The following ANKRD11 variants were observed in gnomAD, a reference collection of about 807,000 sequenced individuals.
ANKRD11 encodes ankyrin repeat domain-containing protein 11.
In ANKRD11, 17 loss-of-function variants were observed where a neutral mutation model predicts 195.7. The observed-to-expected ratio is 0.09, with a 90% CI of 0.06 to 0.13. The LOEUF is 0.13. Among genes scored for constraint, ANKRD11 ranks in the 10% least tolerant of loss-of-function variants. The pLI is 1.00. For synonymous variants in ANKRD11, 1,953 were observed against 1,528.1 expected, an observed-to-expected ratio of 1.28 and a Z score of -6.49; for missense variants, 3,735 against 3,566.1, an observed-to-expected ratio of 1.05 and a Z score of -1.21.
intron 2 of ANKRD11, among the ~76,000 whole-genome samples, chr16:89,364,389 CAATAGGT>C (rs1321253026): frequency 1.3e-5 from 2 of 152,202 alleles, no homozygotes; most frequent in Non-Finnish European, 2.9e-5. Context: ...TCTTACACCG[CAATAGGT>C]AACTGAAACA....
chr16:89,454,317 C>T (rs1414399578), intron 1 of ANKRD11, among the ~76,000 whole-genome samples: 2 of 152,122 alleles, frequency 1.3e-5, no homozygotes, highest in Admixed American at 6.6e-5. Context: ...CTGAGGCCTA[C>T]GCTGAGTCCC....
At chr16:89,438,863 G>A (rs2043327217) in intron 1 of ANKRD11, among the ~76,000 whole-genome samples, 1 of 152,002 alleles carries the variant, frequency 6.6e-6, no homozygotes, top group African/African-American at 2.4e-5. Flanking sequence ...AAATAAACTA[G>A]CCAGGTGTGG....
chr16:89,443,314 T>C (rs1030098277), intron 1 of ANKRD11: 2 of 151,740 alleles, frequency 1.3e-5, no homozygotes, highest in Non-Finnish European at 2.9e-5. Flanking sequence ...AAGGCAAGCA[T>C]GGCATGCTTG....
At chr16:89,288,715 T>A in intron 6 of ANKRD11, 45 bp from the exon 7 acceptor site, 1 of 1,612,986 alleles carries the variant, frequency 6.2e-7, no homozygotes, top group Non-Finnish European at 8.5e-7. Flanking sequence ...TCCTCAGAAC[T>A]TCCCTCCTGT....
At chr16:89,393,308 A>ATTTTTT (rs150301440) in intron 2 of ANKRD11, among the ~76,000 whole-genome samples, 1 of 145,144 alleles carries the variant, frequency 6.9e-6, no homozygotes, top group African/African-American at 2.6e-5. Context: ...TACTTTTTTT[A>ATTTTTT]TTTTTATTTT....
At chr16:89,324,830 G>A in intron 2 of ANKRD11, 1 of 285,516 alleles carries the variant, frequency 3.5e-6, no homozygotes. Flanking sequence ...CTGGCTTCCT[G>A]GCTCCTCAGC....
intron 2 of ANKRD11, among the ~76,000 whole-genome samples, chr16:89,414,158 G>T (rs1049887469): frequency 6.6e-6 from 1 of 152,194 alleles, no homozygotes; most frequent in African/African-American, 2.4e-5. Flanking sequence ...CAGCAAGACA[G>T]AACCTGATTA....
At chr16:89,391,227 C>CAAAA (rs35753411) in intron 2 of ANKRD11, among the ~76,000 whole-genome samples, 1 of 95,336 alleles carries the variant, frequency 1.0e-5, no homozygotes. Context: ...GACTCTGTCT[C>CAAAA]AAAAAAAAAA....
chr16:89,270,220 G>A (rs543509934), intron 12 of ANKRD11: 13 of 181,112 alleles, frequency 7.2e-5, no homozygotes, highest in South Asian at 2.3e-4. Context: ...TATGACACAC[G>A]GGTGCTTGGT....
chr16:89,288,762 G>A (rs911540019), intron 6 of ANKRD11, 92 bp from the exon 7 acceptor site: 56 of 1,589,276 alleles, frequency 3.5e-5, no homozygotes, highest in Non-Finnish European at 4.4e-5. Flanking sequence ...GCTACAGTGC[G>A]GGGACAAGCC....
chr16:89,384,665 C>T lies in ANKRD11; in HGVS notation c.-60+33619G>A, dbSNP rs376338480. On this transcript the variant is annotated intron_variant, in intron 2 of 12. Transcript: ENST00000301030. Reference sequence around the variant, plus strand: ...GGCACTGACGGCTTCAAAGGAGCTGCGAAGACACAAACTACAGAAAGAATA... The same window carrying T: ...GGCACTGACGGCTTCAAAGGAGCTGTGAAGACACAAACTACAGAAAGAATA... Among the ~76,000 whole-genome samples the T allele has an allele frequency of 7.9e-5, 12 of 152,128 alleles. No homozygotes were observed. In the South Asian group the frequency reaches 1.0e-3, roughly 13 times the overall value.
intron 1 of ANKRD11, among the ~76,000 whole-genome samples, chr16:89,428,692 G>C (rs536516401): frequency 6.6e-6 from 1 of 151,668 alleles, no homozygotes; most frequent in Non-Finnish European, 1.5e-5. Context: ...TCAGGAGTTC[G>C]AGACCAGCCT....
chr16:89,323,585 AGGGCAGGGGGGCTGAGCCCG>A (rs1046307852), intron 2 of ANKRD11, among the ~76,000 whole-genome samples: 2 of 56,850 alleles, frequency 3.5e-5, no homozygotes, highest in African/African-American at 1.2e-4. Flanking sequence ...GGCTAAGCCC[AGGGCAGGGGGGCTGAGCCCG>A]GGGCAGGGGA....
At chr16:89,330,783 C>A (rs1201260411) in intron 2 of ANKRD11, among the ~76,000 whole-genome samples, 4 of 151,274 alleles carry the variant, frequency 2.6e-5, no homozygotes, top group Non-Finnish European at 2.9e-5. Context: ...CCACACTCTG[C>A]AGAGAACGGT....
At chr16:89,305,680 AGACACGCGCCACCTCCCACTCC>A (rs2036157731) in intron 3 of ANKRD11, among the ~76,000 whole-genome samples, 1 of 39,338 alleles carries the variant, frequency 2.5e-5, no homozygotes, top group Non-Finnish European at 5.9e-5. Context: ...CCCACTCCGC[AGACACGCGCCACCTCCCACTCC>A]GCAGACACGC....
Position 89,281,697 on chromosome 16 carries a change from G to A in ANKRD11, c.4845C>T (p.Ser1615=), listed in dbSNP as rs140467207. The part of the protein sequence containing the change: ...MKQMEKLRHR[S]GDPKLKEKAK... Reference sequence around the variant, plus strand: ...CCTTCTCCTTGAGCTTGGGGTCTCCGGACCGGTGCCTCAGCTTCTCCATTT... The same window carrying A: ...CCTTCTCCTTGAGCTTGGGGTCTCCAGACCGGTGCCTCAGCTTCTCCATTT... Residue 1615 remains serine, a synonymous_variant, in exon 9 of 13, where the codon TCC becomes TCT. Transcript: ENST00000301030. This position sits in a 1 kb window ranked among gnomAD's most constrained non-coding sequence, Gnocchi z 5.5. 8.5e-5 allele frequency: 137 copies of A among 1,613,986 alleles called. No homozygotes were observed. Among genetic ancestry groups the A allele is most frequent in the African/African-American group, 4.7e-4 (35 of 74,910 alleles).
chr16:89,310,998 T>C (rs1403428679), intron 3 of ANKRD11, among the ~76,000 whole-genome samples: 2 of 152,284 alleles, frequency 1.3e-5, no homozygotes, highest in Non-Finnish European at 2.9e-5. Context: ...AATTCAGTCT[T>C]TGACATTAAA....
At position 89,285,025 on chromosome 16, in the gene ANKRD11, G is replaced by A. The variant is rs757561738; in HGVS notation, c.1517C>T (p.Pro506Leu). Residue 506 changes from proline to leucine, a missense_variant, in exon 9 of 13, where the codon CCG becomes CTG. By Grantham distance (98) the Pro-to-Leu change is moderately conservative (BLOSUM62 -3). Transcript: ENST00000301030. This position sits in a 1 kb window ranked among gnomAD's most constrained non-coding sequence, Gnocchi z 5.6. ...LGSSGCLKGSPLVLKDPSLFS... is the reference protein window; with the variant it reads ...LGSSGCLKGSLLVLKDPSLFS... ...CAGGGAGGGGTCCTTCAGCACCAGC[G>A]GGGACCCCTTGAGGCAGCCAGAGCT... is the stretch of plus-strand genomic sequence containing the variant. 44 of 1,613,852 alleles carry A rather than the reference G, an allele frequency of 2.7e-5. No individual in the cohort carries two copies. Among genetic ancestry groups the A allele is most frequent in the Non-Finnish European group, 3.1e-5 (37 of 1,180,016 alleles).
chr16:89,482,598 G>A (rs539964148), intron 1 of ANKRD11, among the ~76,000 whole-genome samples: 16 of 152,324 alleles, frequency 1.1e-4, no homozygotes, highest in African/African-American at 3.1e-4. Flanking sequence ...CGCAGTGCTC[G>A]GGTGGGCCCA....
Sources: allele counts gnomAD v4.1 joint callset (sites outside exome capture counted in the v4.1 genomes callset), GRCh38; gene constraint gnomAD v4.1.1; non-coding constraint Gnocchi (gnomAD v3.1); transcripts MANE v1.5; gene names NCBI Gene and HGNC (gene_info 2026-07-23, HGNC 2026-07-21).